Variants in TENM3 observed in about 807,000 individuals in gnomAD.
The protein encoded by TENM3 is teneurin-3.
Under a neutral mutation model 255.1 loss-of-function variants are expected in TENM3, and 63 were observed. The observed-to-expected ratio is 0.25, with a 90% CI of 0.20 to 0.30. The LOEUF (loss-of-function observed/expected upper bound fraction) is 0.30. Ranked by LOEUF, TENM3 falls within the 10% of genes least tolerant of loss-of-function variation. The pLI, the probability that TENM3 is intolerant of heterozygous loss-of-function variation, is 1.00. For missense variants in TENM3, 2,929 were observed against 3,461.1 expected (o/e 0.85, Z 3.86); for synonymous variants, 1,306 against 1,322.3 (o/e 0.99, Z 0.27).
chr4:181,855,631 T>G, the TENM3 span, among the ~76,000 whole-genome samples: 1 of 152,202 alleles, frequency 6.6e-6, no homozygotes, highest in African/African-American at 2.4e-5. Context: ...GAACTTAAGG[T>G]TATTATTCTT....
chr4:182,034,747 G>A, the TENM3 span, among the ~76,000 whole-genome samples: 31 of 152,290 alleles, frequency 2.0e-4, no homozygotes, highest in Non-Finnish European at 4.3e-4. Context: ...TCTGCTGAAA[G>A]GTCCACTGTT....
intron 1 of TENM3, among the ~76,000 whole-genome samples, chr4:182,271,173 C>G (rs1759594466): frequency 6.6e-6 from 1 of 152,144 alleles, no homozygotes; most frequent in Non-Finnish European, 1.5e-5. Context: ...ATAACCGATC[C>G]TGTTTCTGTA....
the TENM3 span, among the ~76,000 whole-genome samples, chr4:181,923,982 A>C: frequency 5.9e-5 from 9 of 152,254 alleles, no homozygotes; most frequent in African/African-American, 2.2e-4. Context: ...GTTGGGAAAG[A>C]CAGTCCCCCC....
intron 1 of TENM3, among the ~76,000 whole-genome samples, chr4:182,245,143 G>T (rs962450360): frequency 6.6e-6 from 1 of 152,136 alleles, no homozygotes; most frequent in Non-Finnish European, 1.5e-5. Context: ...CTGCATGCTG[G>T]AATCATTCTC....
the TENM3 span, among the ~76,000 whole-genome samples, chr4:181,861,222 T>C: frequency 2.6e-5 from 4 of 152,304 alleles, no homozygotes; most frequent in African/African-American, 7.2e-5. Context: ...TTAAGAATAG[T>C]CATTTAACAC....
intron 22 of TENM3, among the ~76,000 whole-genome samples, chr4:182,756,611 C>T (rs2152757607): frequency 6.6e-6 from 1 of 152,176 alleles, no homozygotes; most frequent in East Asian, 1.9e-4. Flanking sequence ...AGGAGCACAC[C>T]TCTGAAATTA....
At chr4:181,528,616 AGGTAGGTT>A in the TENM3 span, among the ~76,000 whole-genome samples, 1 of 152,234 alleles carries the variant, frequency 6.6e-6, no homozygotes, top group Admixed American at 6.5e-5. Context: ...CAATCCTACG[AGGTAGGTT>A]GAATTATTCA....
At chr4:182,034,258 G>A in the TENM3 span, among the ~76,000 whole-genome samples, 172 of 152,300 alleles carry the variant, frequency 1.1e-3, no homozygotes, top group Non-Finnish European at 2.2e-3. Flanking sequence ...AATTTAAAGT[G>A]AGATTTGGGT....
At position 182,753,613 on chromosome 4, in the gene TENM3, A is replaced by T; in HGVS notation, c.4017+9A>T. On this transcript the variant is annotated intron_variant, in intron 21 of 27. Transcript: ENST00000511685. Reference sequence around the variant, plus strand: ...GCATGCACATCAGCCAGGTAGTTAAATACTAAGCGGACTTGTTTGTTTTTC... The same window carrying T: ...GCATGCACATCAGCCAGGTAGTTAATTACTAAGCGGACTTGTTTGTTTTTC... 1 of 1,612,832 alleles carries T rather than the reference A, an allele frequency of 6.2e-7. No individual in the cohort carries two copies. The highest frequency in any genetic ancestry group is 1.1e-5 in the South Asian group (1 of 90,738).
rs766414090 is a variant in TENM3, at chr4:182,161,959, GTATATATATATATATA to G, written c.-76+17227_-76+17242del. 5.0e-3 allele frequency among the ~76,000 whole-genome samples: 81 copies of G among 16,270 alleles called. 3 individuals carry two copies. Among genetic ancestry groups the G allele is most frequent in the African/African-American group, 6.2e-3 (35 of 5,648 alleles). 10.7% of individuals were successfully genotyped at this position (16,270 alleles called of 152,430 possible). A position where few individuals can be genotyped will look rare whatever the true frequency, so the allele number is the denominator to read the frequency against. ...CATATATATATTTGTGTGTGTGTGTGTATATATATATATATATATATATATATATATATATATGATG... is the reference window on the plus strand; with the variant it reads ...CATATATATATTTGTGTGTGTGTGTGTATATATATATATATATATATGATG... On this transcript the variant is annotated intron_variant, in intron 1 of 2. Transcript: ENST00000512480.
At chr4:182,621,345 G>A (rs545134513) in intron 4 of TENM3, among the ~76,000 whole-genome samples, 87 of 151,666 alleles carry the variant, frequency 5.7e-4, no homozygotes, top group African/African-American at 2.0e-3. Context: ...TATTATGCAC[G>A]TACATCACCA....
chr4:181,623,782 T>C, the TENM3 span, among the ~76,000 whole-genome samples: 1 of 152,244 alleles, frequency 6.6e-6, no homozygotes, highest in African/African-American at 2.4e-5. Flanking sequence ...AGTGTTTTGA[T>C]GGCTCTGAGC....
At chr4:182,486,459 A>G (rs1449984232) in intron 3 of TENM3, among the ~76,000 whole-genome samples, 1 of 152,184 alleles carries the variant, frequency 6.6e-6, no homozygotes, top group Non-Finnish European at 1.5e-5. Flanking sequence ...AGGAATGGGG[A>G]GCATGATTTT....
chr4:181,574,478 C>T, the TENM3 span, among the ~76,000 whole-genome samples: 15 of 151,700 alleles, frequency 9.9e-5, no homozygotes, highest in African/African-American at 3.6e-4. Flanking sequence ...TTGCAGTGAG[C>T]CGAGATCGTG....
the TENM3 span, among the ~76,000 whole-genome samples, chr4:182,041,839 C>T: frequency 6.6e-6 from 1 of 152,232 alleles, no homozygotes; most frequent in Admixed American, 6.5e-5. Flanking sequence ...CACGAAGCTA[C>T]AGTTCACTTT....
the TENM3 span, among the ~76,000 whole-genome samples, chr4:182,123,710 A>G: frequency 2.6e-5 from 4 of 152,360 alleles, no homozygotes; most frequent in African/African-American, 9.6e-5. Context: ...AAATGTTGCT[A>G]TAATTACCAA....
chr4:181,495,106 A>G, the TENM3 span, among the ~76,000 whole-genome samples: 1 of 152,198 alleles, frequency 6.6e-6, no homozygotes, highest in East Asian at 1.9e-4. Flanking sequence ...ATAGACATAG[A>G]TATTTTCTTC....
chr4:182,148,089 T>C (rs1366048864), intron 1 of TENM3, among the ~76,000 whole-genome samples: 1 of 152,164 alleles, frequency 6.6e-6, no homozygotes. Flanking sequence ...TGATTTATTT[T>C]ATACTTTTTT....
intron 1 of TENM3, among the ~76,000 whole-genome samples, chr4:182,221,802 G>A (rs767297162): frequency 1.1e-4 from 16 of 152,070 alleles, no homozygotes; most frequent in East Asian, 1.9e-4. Flanking sequence ...CATTTTCAGC[G>A]TATCATCAGT....
Sources: allele counts gnomAD v4.1 joint callset (sites outside exome capture counted in the v4.1 genomes callset), GRCh38; gene constraint gnomAD v4.1.1; transcripts MANE v1.5; gene names NCBI Gene and HGNC (gene_info 2026-07-23, HGNC 2026-07-21).